The following LRP1B variants were observed in gnomAD, a reference collection of about 807,000 sequenced individuals.
The protein encoded by LRP1B is LDL receptor related protein 1B.
A neutral mutation model predicts 556.6 loss-of-function variants in LRP1B; 217 were observed. The ratio of observed to expected loss-of-function variants is 0.39; its 90% CI spans 0.35 to 0.44. LRP1B has a LOEUF of 0.44. Ranked by LOEUF, LRP1B falls within the 20% of genes least tolerant of loss-of-function variation. The pLI is 1.00. For synonymous variants in LRP1B, 2,047 were observed against 1,865.8 expected (o/e 1.10, Z -2.50); for missense variants, 5,053 against 5,620.8 (o/e 0.90, Z 3.23).
intron 11 of LRP1B, among the ~76,000 whole-genome samples, chr2:141,031,101 C>T (rs973277593): frequency 1.3e-5 from 2 of 151,900 alleles, no homozygotes; most frequent in African/African-American, 4.8e-5. Flanking sequence ...TTCACAAATG[C>T]TACTGTTATA....
chr2:141,423,302 T>G (rs1680217443), intron 3 of LRP1B, among the ~76,000 whole-genome samples: 1 of 120,512 alleles, frequency 8.3e-6, no homozygotes. Context: ...TTTTTTTTTT[T>G]TTTTTTTTTT....
chr2:141,771,059 T>C (rs1268372745), intron 2 of LRP1B, among the ~76,000 whole-genome samples: 1 of 152,224 alleles, frequency 6.6e-6, no homozygotes, highest in Non-Finnish European at 1.5e-5. Context: ...AATTCAATTG[T>C]TATCCCCTCA....
At chr2:141,377,700 T>A (rs1689489081) in intron 3 of LRP1B, among the ~76,000 whole-genome samples, 1 of 151,890 alleles carries the variant, frequency 6.6e-6, no homozygotes, top group African/African-American at 2.4e-5. Context: ...CCTAATAATA[T>A]CTTTAATTAT....
At chr2:141,888,264 C>A (rs1219919691) in intron 1 of LRP1B, among the ~76,000 whole-genome samples, 1 of 152,160 alleles carries the variant, frequency 6.6e-6, no homozygotes, top group Non-Finnish European at 1.5e-5. Context: ...CCCAGTTATA[C>A]ATTGAACATT....
intron 3 of LRP1B, among the ~76,000 whole-genome samples, chr2:141,290,533 A>G (rs982222600): frequency 6.6e-6 from 1 of 152,152 alleles, no homozygotes; most frequent in Non-Finnish European, 1.5e-5. Context: ...CTTGTCAAGC[A>G]GTGCGTAAAG....
At chr2:141,485,667 C>A (rs1196519975) in intron 2 of LRP1B, among the ~76,000 whole-genome samples, 1 of 152,076 alleles carries the variant, frequency 6.6e-6, no homozygotes, top group East Asian at 1.9e-4. Context: ...ATATTTGTAT[C>A]CCATGAAGCT....
chr2:140,492,959 G>A (rs1688765383), intron 56 of LRP1B, among the ~76,000 whole-genome samples: 1 of 152,060 alleles, frequency 6.6e-6, no homozygotes, highest in African/African-American at 2.4e-5. Flanking sequence ...AATTTATTCG[G>A]AATTAGTAGA....
At chr2:140,779,434 C>T (rs1451761576) in intron 32 of LRP1B, among the ~76,000 whole-genome samples, 1 of 152,056 alleles carries the variant, frequency 6.6e-6, no homozygotes, top group Non-Finnish European at 1.5e-5. Flanking sequence ...TGGTGGCTCA[C>T]GCCTGTAATC....
At chr2:140,238,397 A>C in intron 88 of LRP1B, 101 bp from the exon 89 acceptor site, 1 of 594,632 alleles carries the variant, frequency 1.7e-6, no homozygotes, top group Non-Finnish European at 2.8e-6. Context: ...TTTGAAATAA[A>C]TTGAATAAAT....
chr2:140,331,527 T>G (rs910686918), intron 79 of LRP1B, among the ~76,000 whole-genome samples: 1 of 151,900 alleles, frequency 6.6e-6, no homozygotes, highest in African/African-American at 2.4e-5. Context: ...GGTGTTCTCT[T>G]CTCACATATT....
intron 2 of LRP1B, among the ~76,000 whole-genome samples, chr2:141,725,912 T>C (rs1194655750): frequency 6.6e-6 from 1 of 151,842 alleles, no homozygotes; most frequent in Non-Finnish European, 1.5e-5. Context: ...GGCAATAATT[T>C]CTACTTTGCA....
intron 21 of LRP1B, among the ~76,000 whole-genome samples, chr2:140,909,363 T>C (rs1236172479): frequency 6.6e-6 from 1 of 152,052 alleles, no homozygotes; most frequent in Non-Finnish European, 1.5e-5. Flanking sequence ...TCTTAAGTCT[T>C]ATAAGTAAAT....
At chr2:141,150,866 GGTTTGT>G (rs1335804789) in intron 7 of LRP1B, among the ~76,000 whole-genome samples, 31 of 45,860 alleles carry the variant, frequency 6.8e-4, no homozygotes, top group South Asian at 3.4e-3. Flanking sequence ...TTGTCATGCT[GGTTTGT>G]GTGTGTGTGT....
chr2:140,797,910 C>T (rs34427563), intron 32 of LRP1B, among the ~76,000 whole-genome samples: 1 of 152,134 alleles, frequency 6.6e-6, no homozygotes, highest in Non-Finnish European at 1.5e-5. Flanking sequence ...CCGCAGGTAC[C>T]TGAATGACTC....
At chr2:141,585,881 T>C (rs1334233673) in intron 2 of LRP1B, among the ~76,000 whole-genome samples, 1 of 132,192 alleles carries the variant, frequency 7.6e-6, no homozygotes, top group Non-Finnish European at 1.6e-5. Flanking sequence ...GGACTACAGG[T>C]GCACTTTTTT....
chr2:141,383,021 A>G (rs1295580233), intron 3 of LRP1B, among the ~76,000 whole-genome samples: 3 of 152,238 alleles, frequency 2.0e-5, no homozygotes, highest in Non-Finnish European at 4.4e-5. Context: ...AACTCATAAA[A>G]TAATAGCAAG....
intron 66 of LRP1B, among the ~76,000 whole-genome samples, chr2:140,414,938 T>C (rs565330823): frequency 6.6e-6 from 1 of 152,258 alleles, no homozygotes; most frequent in African/African-American, 2.4e-5. Context: ...ATAGGAGATA[T>C]ATCGCTAAAT....
chr2:140,871,612 T>TA (rs1477749450), intron 25 of LRP1B, among the ~76,000 whole-genome samples: 1 of 152,156 alleles, frequency 6.6e-6, no homozygotes, highest in Admixed American at 6.6e-5. Flanking sequence ...AGTTATTTTT[T>TA]AAAATAATTT....
At chr2:141,348,727 A>T (rs1688341317) in intron 3 of LRP1B, among the ~76,000 whole-genome samples, 1 of 151,932 alleles carries the variant, frequency 6.6e-6, no homozygotes, top group Non-Finnish European at 1.5e-5. Context: ...TTTGCTAGTC[A>T]GCATGTTCAA....
Sources: allele counts gnomAD v4.1 joint callset (sites outside exome capture counted in the v4.1 genomes callset), GRCh38; gene constraint gnomAD v4.1.1; transcripts MANE v1.5; gene names NCBI Gene and HGNC (gene_info 2026-07-23, HGNC 2026-07-21).